Variants in ADAMTSL1 observed in about 807,000 individuals in gnomAD.
The protein encoded by ADAMTSL1 is ADAMTS-like protein 1.
ADAMTSL1 carries 126 observed loss-of-function variants against 201.8 expected under a neutral mutation model. The observed-to-expected ratio is 0.62, with a 90% CI of 0.54 to 0.72. The LOEUF (loss-of-function observed/expected upper bound fraction) is 0.72, where lower values mean the gene tolerates loss of function less well. Ranked by LOEUF, ADAMTSL1 falls within the 30% of genes least tolerant of loss-of-function variation. ADAMTSL1 has a pLI of 0.00. For synonymous variants in ADAMTSL1, 1,121 were observed against 903.4 expected (o/e 1.24, Z -4.32); for missense variants, 2,679 against 2,277.8 (o/e 1.18, Z -3.59).
At chr9:18,682,074 AT>A (rs1830536062) in intron 12 of ADAMTSL1, 115 bp downstream of exon 12, 1 of 1,240,476 alleles carries the variant, frequency 8.1e-7, no homozygotes, top group East Asian at 2.5e-5. Context: ...AGAATTCTTT[AT>A]AACTTAAACT....
chr9:18,675,967 A>G (rs926067944), intron 10 of ADAMTSL1, 60 bp downstream of exon 10: 8 of 1,392,286 alleles, frequency 5.7e-6, no homozygotes, highest in African/African-American at 1.4e-5. Flanking sequence ...CTGCTTATCT[A>G]TATATATAGA....
chr9:18,136,947 G>A (rs1221462626), intron 1 of ADAMTSL1, among the ~76,000 whole-genome samples: 1 of 152,192 alleles, frequency 6.6e-6, no homozygotes, highest in Non-Finnish European at 1.5e-5. Context: ...CCAAGCCATA[G>A]TTAAGGTGAA....
rs530658181 is a variant in ADAMTSL1, at chr9:18,777,388, C to T, written c.3159C>T (p.Thr1053=). ...EAQDSAERNT[T]SEEDPGAEQV... ...AGGACTCTGCGGAAAGGAACACGACCTCGGAGGAGGACCCGGGTGCAGAGC... is the reference window on the plus strand; with the variant it reads ...AGGACTCTGCGGAAAGGAACACGACTTCGGAGGAGGACCCGGGTGCAGAGC... Residue 1053 remains threonine, a synonymous_variant, in exon 19 of 29, where the codon ACC becomes ACT. Coordinates refer to ENST00000380548, the MANE Select transcript of ADAMTSL1 (RefSeq NM_001040272.6). 1.2e-5 allele frequency: 19 copies of T among 1,603,294 alleles called. No individual in the cohort carries two copies. Among genetic ancestry groups the T allele is most frequent in the African/African-American group, 9.3e-5 (7 of 74,876 alleles).
chr9:18,522,774 TC>T (rs1357977706), intron 2 of ADAMTSL1, among the ~76,000 whole-genome samples: 13 of 152,062 alleles, frequency 8.5e-5, no homozygotes, highest in African/African-American at 3.1e-4. Context: ...CATGAACTCA[TC>T]CTTTTTATGG....
chr9:18,030,125 T>A (rs968435844), intron 1 of ADAMTSL1, among the ~76,000 whole-genome samples: 1 of 152,178 alleles, frequency 6.6e-6, no homozygotes, highest in Non-Finnish European at 1.5e-5. Flanking sequence ...TTTTTCACAA[T>A]AGCAAAGACT....
intron 2 of ADAMTSL1, among the ~76,000 whole-genome samples, chr9:18,213,340 C>G (rs1367770618): frequency 6.6e-6 from 1 of 152,154 alleles, no homozygotes; most frequent in African/African-American, 2.4e-5. Context: ...CGGACATTTT[C>G]AGGGATTGAA....
intron 2 of ADAMTSL1, among the ~76,000 whole-genome samples, chr9:18,344,224 A>C (rs948298431): frequency 6.6e-6 from 1 of 151,988 alleles, no homozygotes; most frequent in African/African-American, 2.4e-5. Flanking sequence ...GATTTTTTTC[A>C]TTTATTTTCT....
chr9:18,226,633 C>G (rs753006698), intron 2 of ADAMTSL1, among the ~76,000 whole-genome samples: 23 of 152,138 alleles, frequency 1.5e-4, no homozygotes, highest in Non-Finnish European at 1.8e-4. Flanking sequence ...CACCTGCCCT[C>G]TCTTTACCTT....
intron 2 of ADAMTSL1, among the ~76,000 whole-genome samples, chr9:18,526,591 C>T (rs565211325): frequency 6.6e-6 from 1 of 152,248 alleles, no homozygotes; most frequent in South Asian, 2.1e-4. Flanking sequence ...TGTTCCTTTC[C>T]ATGTTTAGTG....
intron 2 of ADAMTSL1, among the ~76,000 whole-genome samples, chr9:18,455,000 C>T (rs932077336): frequency 2.0e-5 from 3 of 152,136 alleles, no homozygotes; most frequent in Admixed American, 2.0e-4. Context: ...CCACCCCCAC[C>T]TTGCACAATT....
chr9:18,680,230 T>C (rs1355147915), intron 10 of ADAMTSL1, 82 bp from the exon 11 acceptor site: 12 of 1,379,824 alleles, frequency 8.7e-6, no homozygotes, highest in African/African-American at 1.4e-5. Context: ...CCAATAGACA[T>C]GGGGAGTGGG....
chr9:18,663,871 T>C (rs1297687705), intron 9 of ADAMTSL1, among the ~76,000 whole-genome samples: 1 of 152,150 alleles, frequency 6.6e-6, no homozygotes, highest in Non-Finnish European at 1.5e-5. Context: ...TGGAGAAACT[T>C]TTTTGGCCTA....
intron 14 of ADAMTSL1, among the ~76,000 whole-genome samples, chr9:18,712,706 T>A (rs1050732152): frequency 2.0e-5 from 3 of 151,650 alleles, no homozygotes; most frequent in Admixed American, 6.6e-5. Context: ...CTTCCCCAAT[T>A]TAGCAAGGCA....
rs1261024288 is a variant in ADAMTSL1, at chr9:18,826,370, A to C, written c.4021A>C (p.Thr1341Pro). Residue 1341 changes from threonine (T) to proline (P), a missense_variant, in exon 22 of 29, where the codon ACA becomes CCA. Coordinates refer to ENST00000380548, the MANE Select transcript of ADAMTSL1 (RefSeq NM_001040272.6). The part of the protein sequence containing the change: ...HHLHEGSLLL[T>P]NVSSSDQGLY... ...TCTGCACGAAGGCTCCTTGCTGCTC[A>C]CAAACGTGTCCTCCTCGGATCAGGG... 1.2e-6 allele frequency: 2 copies of C among 1,613,628 alleles called. No individual in the cohort carries two copies. Among genetic ancestry groups the C allele is most frequent in the South Asian group, 2.2e-5 (2 of 90,970 alleles).
intron 2 of ADAMTSL1, among the ~76,000 whole-genome samples, chr9:18,271,685 A>C (rs1587440079): frequency 6.6e-6 from 1 of 152,318 alleles, no homozygotes; most frequent in Non-Finnish European, 1.5e-5. Context: ...CTTTGGGTAT[A>C]TACCCAGTAA....
At chr9:18,260,381 T>C (rs1485075115) in intron 2 of ADAMTSL1, among the ~76,000 whole-genome samples, 1 of 152,246 alleles carries the variant, frequency 6.6e-6, no homozygotes, top group Non-Finnish European at 1.5e-5. Context: ...GATTATTGCC[T>C]TCTTTTTAGT....
chr9:18,178,555 G>A (rs893605481), intron 2 of ADAMTSL1, among the ~76,000 whole-genome samples: 2 of 151,264 alleles, frequency 1.3e-5, no homozygotes, highest in East Asian at 4.0e-4. Context: ...TGCCTCTGTA[G>A]GCTCCACCTC....
At chr9:18,793,577 C>G (rs904832094) in intron 19 of ADAMTSL1, among the ~76,000 whole-genome samples, 7 of 152,090 alleles carry the variant, frequency 4.6e-5, no homozygotes, top group Non-Finnish European at 1.0e-4. Flanking sequence ...CTGCTTACCT[C>G]CTAGGGAAGG....
intron 1 of ADAMTSL1, among the ~76,000 whole-genome samples, chr9:17,922,711 T>G (rs574023004): frequency 9.5e-4 from 105 of 111,060 alleles, no homozygotes; most frequent in African/African-American, 3.5e-3. Flanking sequence ...ACCACGCATC[T>G]CATAACTCTG....
Sources: allele counts gnomAD v4.1 joint callset (sites outside exome capture counted in the v4.1 genomes callset), GRCh38; gene constraint gnomAD v4.1.1; transcripts MANE v1.5; gene names NCBI Gene and HGNC (gene_info 2026-07-23, HGNC 2026-07-21).